The following CAMK2D variants were observed in gnomAD, a reference collection of about 807,000 sequenced individuals.
CAMK2D encodes calcium/calmodulin-dependent protein kinase type II subunit delta.
A neutral mutation model predicts 84.0 loss-of-function variants in CAMK2D; 37 were observed. That is an observed-to-expected ratio of 0.44 (90% confidence interval 0.34 to 0.58). The LOEUF is 0.58. Ranked by LOEUF, CAMK2D falls within the 20% of genes least tolerant of loss-of-function variation. CAMK2D has a pLI of 0.02. For synonymous variants in CAMK2D, 202 were observed against 212.5 expected (o/e 0.95, Z 0.43); for missense variants, 448 against 652.5 (o/e 0.69, Z 3.41).
At chr4:113,620,725 C>T (rs1448839129) in intron 3 of CAMK2D, among the ~76,000 whole-genome samples, 5 of 152,038 alleles carry the variant, frequency 3.3e-5, no homozygotes, top group Non-Finnish European at 7.4e-5. Context: ...CCAGGATAGT[C>T]TCGATCTCTT....
chr4:113,455,222 G>A (rs1414242982), intron 20 of CAMK2D, among the ~76,000 whole-genome samples: 1 of 152,186 alleles, frequency 6.6e-6, no homozygotes, highest in East Asian at 1.9e-4. Context: ...CATTTTGTGA[G>A]TTTTAAATTT....
intron 16 of CAMK2D, among the ~76,000 whole-genome samples, chr4:113,482,071 T>A (rs866153576): frequency 2.0e-5 from 3 of 152,204 alleles, no homozygotes; most frequent in Non-Finnish European, 4.4e-5. Context: ...TAGATTCTGA[T>A]GTCTTTGGCA....
chr4:113,528,872 A>G (rs1476351546), intron 8 of CAMK2D, among the ~76,000 whole-genome samples: 1 of 152,142 alleles, frequency 6.6e-6, no homozygotes, highest in East Asian at 1.9e-4. Context: ...TAACATTTAG[A>G]TTTGAACAAA....
intron 8 of CAMK2D, among the ~76,000 whole-genome samples, chr4:113,526,257 G>A (rs1375232641): frequency 5.3e-5 from 8 of 152,148 alleles, no homozygotes. Flanking sequence ...GCACATACAT[G>A]CTCCAACTGG....
intron 4 of CAMK2D, among the ~76,000 whole-genome samples, chr4:113,608,301 AT>A (rs1012607696): frequency 2.4e-4 from 37 of 152,342 alleles, no homozygotes; most frequent in African/African-American, 8.7e-4. Context: ...ATGTGAAATA[AT>A]TTTTTAAATC....
chr4:113,502,785 T>C (rs2098072786), intron 15 of CAMK2D, 151 bp downstream of exon 15: 2 of 625,834 alleles, frequency 3.2e-6, no homozygotes, highest in Non-Finnish European at 5.8e-6. Flanking sequence ...AGTATGTCCA[T>C]AGTTCTAGAT....
intron 2 of CAMK2D, among the ~76,000 whole-genome samples, chr4:113,672,734 T>A (rs1241644086): frequency 6.6e-6 from 1 of 151,896 alleles, no homozygotes; most frequent in Non-Finnish European, 1.5e-5. Flanking sequence ...ATATTCTTTG[T>A]TTACCACATT....
chr4:113,455,045 G>T (rs1276647842), intron 20 of CAMK2D, among the ~76,000 whole-genome samples: 2 of 152,188 alleles, frequency 1.3e-5, no homozygotes, highest in African/African-American at 2.4e-5. Flanking sequence ...AGCACTATTT[G>T]TTAAAAGCTC....
At chr4:113,507,177 T>C (rs1224352714) in intron 13 of CAMK2D, among the ~76,000 whole-genome samples, 2 of 152,172 alleles carry the variant, frequency 1.3e-5, no homozygotes, top group East Asian at 3.8e-4. Flanking sequence ...AATAATAGGA[T>C]AATTTCTAAG....
chr4:113,484,849 T>C (rs565263657), intron 16 of CAMK2D, among the ~76,000 whole-genome samples: 2 of 152,330 alleles, frequency 1.3e-5, no homozygotes, highest in African/African-American at 4.8e-5. Context: ...AGATGATTCC[T>C]GCAGATGTAA....
At chr4:113,694,978 T>C (rs775789039) in intron 2 of CAMK2D, among the ~76,000 whole-genome samples, 1 of 152,174 alleles carries the variant, frequency 6.6e-6, no homozygotes, top group Non-Finnish European at 1.5e-5. Flanking sequence ...GAAAAATAAA[T>C]ACTGCTAATA....
chr4:113,746,291 T>C (rs964386447), intron 2 of CAMK2D, among the ~76,000 whole-genome samples: 1 of 152,236 alleles, frequency 6.6e-6, no homozygotes, highest in Non-Finnish European at 1.5e-5. Context: ...TCAAAACATA[T>C]ACCTTAAAAC....
At chr4:113,598,871 T>C (rs951278108) in intron 4 of CAMK2D, among the ~76,000 whole-genome samples, 3 of 152,180 alleles carry the variant, frequency 2.0e-5, no homozygotes, top group African/African-American at 7.2e-5. Context: ...TTTCATCATG[T>C]TGGCCAGGCT....
At chr4:113,720,135 T>C (rs11729304) in intron 2 of CAMK2D, among the ~76,000 whole-genome samples, 32,301 of 151,880 alleles carry the variant, frequency 0.21, 6,972 homozygotes, top group African/African-American at 0.56. Context: ...TCTCAGATAA[T>C]ATTAATTGTT....
chr4:113,713,486 T>G (rs1049881983), intron 2 of CAMK2D, among the ~76,000 whole-genome samples: 7 of 148,134 alleles, frequency 4.7e-5, no homozygotes, highest in African/African-American at 1.7e-4. Context: ...AACATTATTA[T>G]ATATAATATG....
chr4:113,615,542 ATCTC>A (rs889391147), intron 3 of CAMK2D, among the ~76,000 whole-genome samples: 5 of 152,094 alleles, frequency 3.3e-5, no homozygotes, highest in East Asian at 3.8e-4. Flanking sequence ...GTGAAGCCAA[ATCTC>A]TCTATGTGGT....
chr4:113,513,150 C>T (rs1383069757), intron 12 of CAMK2D, 178 bp downstream of exon 12: 68 of 984,350 alleles, frequency 6.9e-5, no homozygotes, highest in Non-Finnish European at 8.1e-5. Flanking sequence ...GCAGACAGCA[C>T]CCAGGTAGAC....
intron 18 of CAMK2D, among the ~76,000 whole-genome samples, chr4:113,459,495 G>A (rs2097345156): frequency 6.6e-6 from 1 of 152,098 alleles, no homozygotes; most frequent in Non-Finnish European, 1.5e-5. Flanking sequence ...AAAGTGTTGG[G>A]ATTACTGGCA....
intron 3 of CAMK2D, among the ~76,000 whole-genome samples, chr4:113,616,033 AAATT>A (rs1223609813): frequency 6.6e-6 from 1 of 152,154 alleles, no homozygotes; most frequent in African/African-American, 2.4e-5. Flanking sequence ...TCAAAAGTTA[AAATT>A]AATTTCTATA....
Sources: gnomAD v4.1 joint callset for allele counts (sites outside exome capture counted in the v4.1 genomes callset) on GRCh38, gnomAD v4.1.1 for gene constraint, MANE v1.5 for transcripts, NCBI Gene and HGNC (gene_info 2026-07-23, HGNC 2026-07-21) for gene names.